The following MYO3B variants were observed in gnomAD, a reference collection of about 807,000 sequenced individuals.
MYO3B encodes myosin IIIB.
A neutral mutation model predicts 174.6 loss-of-function variants in MYO3B; 156 were observed. The ratio of observed to expected loss-of-function variants is 0.89; its 90% CI spans 0.78 to 1.02. The LOEUF is 1.02. Among genes scored for constraint, MYO3B ranks in the 50% least tolerant of loss-of-function variants. The pLI is 0.00. For missense variants in MYO3B, 1,632 were observed against 1,639.4 expected (o/e 1.00, Z 0.08); for synonymous variants, 563 against 569.1 (o/e 0.99, Z 0.15).
chr2:170,297,719 A>G (rs1160448805), intron 7 of MYO3B, among the ~76,000 whole-genome samples: 3 of 152,194 alleles, frequency 2.0e-5, no homozygotes, highest in African/African-American at 7.2e-5. Flanking sequence ...AAATATATAG[A>G]GTAATAAGGA....
intron 28 of MYO3B, among the ~76,000 whole-genome samples, chr2:170,505,484 G>A (rs933368738): frequency 2.0e-5 from 3 of 152,144 alleles, no homozygotes; most frequent in Non-Finnish European, 4.4e-5. Flanking sequence ...AACTAACAGT[G>A]ACCTTGATTC....
chr2:170,397,606 C>T (rs917627519), intron 16 of MYO3B, among the ~76,000 whole-genome samples: 3 of 152,106 alleles, frequency 2.0e-5, no homozygotes, highest in African/African-American at 7.2e-5. Context: ...TAATCGGAAC[C>T]GTTTTTACTC....
In MYO3B at chr2:170,206,924, T is replaced by C. The variant is rs891185328; in HGVS notation, c.321+6640T>C. On this transcript the variant is annotated intron_variant, in intron 3 of 34. Transcript: ENST00000408978. The surrounding 1 kb of genome is among the most constrained non-coding windows in gnomAD (Gnocchi z 4.3). ...CCTATCATGAGGTCCTCATGTCCTT[T>C]GTCCTTATTTAAACTCTAACCTTAT... is the stretch of plus-strand genomic sequence containing the variant. Among the ~76,000 whole-genome samples the C allele has an allele frequency of 6.6e-6, 1 of 152,176 alleles. No homozygotes were observed. The highest frequency in any genetic ancestry group is 2.4e-5 in the African/African-American group (1 of 41,440).
chr2:170,574,300 G>A (rs1028150900), intron 32 of MYO3B, among the ~76,000 whole-genome samples: 7 of 151,974 alleles, frequency 4.6e-5, no homozygotes, highest in Admixed American at 2.0e-4. Flanking sequence ...TCAGTTGGCC[G>A]TTATTTGATT....
chr2:170,381,708 G>A (rs2094336608), intron 9 of MYO3B, among the ~76,000 whole-genome samples: 1 of 152,228 alleles, frequency 6.6e-6, no homozygotes, highest in South Asian at 2.1e-4. Context: ...CTGAGCAGAA[G>A]TCAGAGGTGT....
rs184587436 is a variant in MYO3B at position 170,357,972 on chromosome 2, G to A, written c.816-11250G>A. Among the ~76,000 whole-genome samples the A allele has an allele frequency of 1.4e-3, 215 of 152,138 alleles. 1 individual carries two copies. The highest frequency in any genetic ancestry group is 4.9e-3 in the African/African-American group (204 of 41,538). On this transcript the variant is annotated intron_variant, in intron 8 of 34. Transcript: ENST00000408978. ...GTTCGAGACCAGGCTGACCAACATG[G>A]AGAAACTCCGTCTCTACTAAAAATA...
At chr2:170,319,527 A>G (rs1371272124) in intron 7 of MYO3B, among the ~76,000 whole-genome samples, 1 of 152,214 alleles carries the variant, frequency 6.6e-6, no homozygotes, top group African/African-American at 2.4e-5. Flanking sequence ...ACAGAGCTAC[A>G]AAGACCCATG....
Position 170,369,328 on chromosome 2 carries a change from G to T in MYO3B, c.922G>T (p.Ala308Ser). Reference sequence around the variant, plus strand: ...AGTTCTGTTTCTGCAAAAACAGCTGGCCAAGGTTCTCCAAGACCAGAAGCA... The same window carrying T: ...AGTTCTGTTTCTGCAAAAACAGCTGTCCAAGGTTCTCCAAGACCAGAAGCA... ...GKVLFLQKQLAKVLQDQKHQN... is the reference protein window; with the variant it reads ...GKVLFLQKQLSKVLQDQKHQN... The change falls in exon 9 of 35, where the codon GCC becomes TCC. Residue 308 changes from alanine (A) to serine (S), a missense_variant. Physicochemically the swap from Ala to Ser is moderately conservative, Grantham distance 99. Transcript: ENST00000408978. 1 of 1,613,706 alleles carries T rather than the reference G, an allele frequency of 6.2e-7. No individual in the cohort carries two copies. Among genetic ancestry groups the T allele is most frequent in the Non-Finnish European group, 8.5e-7 (1 of 1,179,722 alleles).
intron 22 of MYO3B, among the ~76,000 whole-genome samples, chr2:170,443,718 T>G (rs1376286333): frequency 2.0e-5 from 3 of 151,688 alleles, no homozygotes; most frequent in African/African-American, 4.8e-5. Context: ...TTTAATAATT[T>G]TATGTTCTTT....
At chr2:170,609,053 G>T (rs563575843) in intron 32 of MYO3B, among the ~76,000 whole-genome samples, 1 of 152,322 alleles carries the variant, frequency 6.6e-6, no homozygotes, top group African/African-American at 2.4e-5. Context: ...GGGATGATGA[G>T]TTCCCAGGAG....
At chr2:170,290,598 G>A (rs2093589341) in intron 7 of MYO3B, among the ~76,000 whole-genome samples, 1 of 152,044 alleles carries the variant, frequency 6.6e-6, no homozygotes, top group Non-Finnish European at 1.5e-5. Flanking sequence ...TTTCTTCAAG[G>A]CAGCATATAA....
intron 32 of MYO3B, among the ~76,000 whole-genome samples, chr2:170,584,555 T>C (rs1248529211): frequency 6.6e-6 from 1 of 150,764 alleles, no homozygotes; most frequent in Non-Finnish European, 1.5e-5. Flanking sequence ...CTGTTCATGT[T>C]TTTTCCCCCA....
rs1422303629 is a variant in MYO3B at position 170,206,424 on chromosome 2, G to A, written c.321+6140G>A. Among the ~76,000 whole-genome samples the A allele has an allele frequency of 6.6e-6, 1 of 152,120 alleles. No homozygotes were observed. Among genetic ancestry groups the A allele is most frequent in the Admixed American group, 6.5e-5 (1 of 15,268 alleles). On this transcript the variant is annotated intron_variant, in intron 3 of 34. Transcript: ENST00000408978. The surrounding 1 kb of genome is among the most constrained non-coding windows in gnomAD (Gnocchi z 4.3). ...TCCATTACTGGGCAGTGACCTCTTT[G>A]AGGCTAGAGATTGTGTCATATTCAT...
At chr2:170,499,913 T>C (rs9752383) in intron 27 of MYO3B, 105 bp downstream of exon 27, 573,091 of 883,118 alleles carry the variant, frequency 0.65, 189,421 homozygotes, top group South Asian at 0.75. Context: ...CTCCCTCCCT[T>C]CCTTCTCCCC....
chr2:170,522,775 C>A (rs148315503), intron 30 of MYO3B, among the ~76,000 whole-genome samples: 276 of 152,318 alleles, frequency 1.8e-3, no homozygotes, highest in African/African-American at 6.2e-3. Context: ...TCAGCTCTTA[C>A]CTTTTGGTCA....
chr2:170,624,586 G>A (rs1453112092), intron 32 of MYO3B, among the ~76,000 whole-genome samples: 1 of 152,162 alleles, frequency 6.6e-6, no homozygotes, highest in Non-Finnish European at 1.5e-5. Context: ...GCCCTGGCCA[G>A]AACTTCCAAC....
chr2:170,469,543 C>T (rs774031970), intron 25 of MYO3B, among the ~76,000 whole-genome samples: 3 of 152,108 alleles, frequency 2.0e-5, no homozygotes, highest in Non-Finnish European at 4.4e-5. Context: ...CGTGGAGAAC[C>T]ATGGTGTCTT....
chr2:170,458,893 CAT>C (rs1447880946), intron 23 of MYO3B, among the ~76,000 whole-genome samples: 1 of 152,220 alleles, frequency 6.6e-6, no homozygotes, highest in Non-Finnish European at 1.5e-5. Context: ...ACTCCAATAA[CAT>C]ATTGTGAATT....
chr2:170,310,465 C>G (rs531335294), intron 7 of MYO3B, among the ~76,000 whole-genome samples: 2 of 151,962 alleles, frequency 1.3e-5, no homozygotes, highest in Non-Finnish European at 2.9e-5. Context: ...GAGTTTGAGA[C>G]CAGCCTGGCC....
Sources: allele counts gnomAD v4.1 joint callset (sites outside exome capture counted in the v4.1 genomes callset), GRCh38; gene constraint gnomAD v4.1.1; non-coding constraint Gnocchi (gnomAD v3.1); transcripts MANE v1.5; gene names NCBI Gene and HGNC (gene_info 2026-07-23, HGNC 2026-07-21).